Variants in FGF13 observed in about 807,000 individuals in gnomAD.
FGF13 encodes fibroblast growth factor homologous factor 2.
Under a neutral mutation model 19.5 loss-of-function variants are expected in FGF13, and 2 were observed. That is an observed-to-expected ratio of 0.10 (90% CI 0.04 to 0.32). The LOEUF (loss-of-function observed/expected upper bound fraction) is 0.32. FGF13 is among the 10% of genes least tolerant of loss of function. The probability of loss-of-function intolerance (pLI) is 1.00; values close to 1 mark genes in which losing one functional copy is unlikely to be tolerated. For synonymous variants in FGF13, 72 were observed against 76.9 expected, an observed-to-expected ratio of 0.94 and a Z score of 0.33; for missense variants, 113 against 192.7, an observed-to-expected ratio of 0.59 and a Z score of 2.45.
chrX:138,617,313 C>A lies in FGF13; in HGVS notation c.*15537G>T, dbSNP rs941127703. On this transcript the variant is annotated 3_prime_UTR_variant, in exon 5 of 5. Coordinates refer to ENST00000315930, the MANE Select transcript of FGF13 (RefSeq NM_004114.5). ...AGATGAAGTGCATTGATGTCTGTAA[C>A]TTATTTTGAAATGCAAAAAAATAAT... 6.3e-5 allele frequency: 7 copies of A among 111,192 alleles called. No individual in the cohort carries two copies. The East Asian group carries it at 2.0e-3, about 31-fold the overall frequency. 9.2% of individuals were successfully genotyped at this position (111,192 alleles called of 1,213,427 possible).
intron 3 of FGF13, among the ~76,000 whole-genome samples, chrX:138,678,289 C>G (rs961910281): frequency 9.0e-6 from 1 of 110,518 alleles, no homozygotes; most frequent in Admixed American, 9.6e-5. Flanking sequence ...AATGGGTGCA[C>G]CATACCAGCA....
At chrX:139,119,472 G>A (rs1333560615) in intron 1 of FGF13, among the ~76,000 whole-genome samples, 1 of 111,836 alleles carries the variant, frequency 8.9e-6, no homozygotes, top group Non-Finnish European at 1.9e-5. Context: ...CAGAGAAAGA[G>A]GCACAGCGAA....
intron 1 of FGF13, among the ~76,000 whole-genome samples, chrX:138,998,385 G>A (rs1251706374): frequency 2.7e-5 from 3 of 110,820 alleles, no homozygotes; most frequent in African/African-American, 9.9e-5. Flanking sequence ...GACACAGAAG[G>A]CAAACTGGAT....
intron 1 of FGF13, among the ~76,000 whole-genome samples, chrX:139,178,994 T>C (rs2084216597): frequency 8.9e-6 from 1 of 112,238 alleles, no homozygotes; most frequent in African/African-American, 3.2e-5. Context: ...AAAATCTACA[T>C]AATGGACTCT....
At chrX:138,732,181 G>A (rs1385899319) in intron 1 of FGF13, among the ~76,000 whole-genome samples, 1 of 111,834 alleles carries the variant, frequency 8.9e-6, no homozygotes, top group Non-Finnish European at 1.9e-5. Flanking sequence ...TTCTTAGGCA[G>A]TAGCTCAAAA....
At chrX:138,829,730 T>G (rs1008037851) in intron 3 of FGF13, among the ~76,000 whole-genome samples, 1 of 111,552 alleles carries the variant, frequency 9.0e-6, no homozygotes, top group South Asian at 3.9e-4. Context: ...ATTCTATTTT[T>G]TTTTTAGACA....
intron 1 of FGF13, among the ~76,000 whole-genome samples, chrX:139,076,625 G>GA (rs1257760838): frequency 9.0e-6 from 1 of 111,412 alleles, no homozygotes; most frequent in Non-Finnish European, 1.9e-5. Flanking sequence ...ATAGAAATCT[G>GA]AAAAAATGCA....
chrX:138,929,155 G>T (rs897427989), intron 1 of FGF13, among the ~76,000 whole-genome samples: 1 of 111,469 alleles, frequency 9.0e-6, no homozygotes, highest in Admixed American at 9.6e-5. Context: ...GTCAATCTCT[G>T]TTGGATCCTC....
At chrX:139,106,413 T>C (rs1211492866) in intron 1 of FGF13, among the ~76,000 whole-genome samples, 4 of 112,599 alleles carry the variant, frequency 3.6e-5, no homozygotes, top group African/African-American at 1.3e-4. Context: ...CATTCCAATG[T>C]CATGAATTTC....
At chrX:139,158,320 G>A (rs2083997583) in intron 1 of FGF13, among the ~76,000 whole-genome samples, 1 of 110,728 alleles carries the variant, frequency 9.0e-6, no homozygotes, top group African/African-American at 3.3e-5. Context: ...TAGCTCAGCA[G>A]AGCCCACCCC....
chrX:139,037,940 G>A (rs1232410397), intron 1 of FGF13, among the ~76,000 whole-genome samples: 1 of 111,399 alleles, frequency 9.0e-6, no homozygotes, highest in Non-Finnish European at 1.9e-5. Context: ...TCCACATTCT[G>A]TGTGCCCCAG....
chrX:139,070,715 C>T (rs62602251), intron 1 of FGF13, among the ~76,000 whole-genome samples: 15,224 of 111,487 alleles, frequency 0.14, 849 homozygotes, highest in African/African-American at 0.21. Context: ...ATAGGAAAGA[C>T]GTGAAACCAA....
intron 3 of FGF13, among the ~76,000 whole-genome samples, chrX:138,836,461 C>T (rs1340320422): frequency 8.9e-6 from 1 of 111,809 alleles, no homozygotes; most frequent in Non-Finnish European, 1.9e-5. Context: ...AGAGTCTTTC[C>T]TCCACTTGGT....
chrX:138,980,313 T>A (rs2091958177), intron 1 of FGF13, among the ~76,000 whole-genome samples: 1 of 111,309 alleles, frequency 9.0e-6, no homozygotes, highest in Non-Finnish European at 1.9e-5. Flanking sequence ...TGATTTTCAG[T>A]CTTCAGAATT....
chrX:138,953,762 C>T (rs888668851), intron 1 of FGF13, among the ~76,000 whole-genome samples: 2 of 110,644 alleles, frequency 1.8e-5, no homozygotes, highest in African/African-American at 6.6e-5. Context: ...CACTGATACA[C>T]ATAACACTAT....
At chrX:138,966,255 G>A (rs752373075) in intron 1 of FGF13, among the ~76,000 whole-genome samples, 1 of 111,896 alleles carries the variant, frequency 8.9e-6, no homozygotes, top group Admixed American at 9.4e-5. Context: ...ACCCCAGAAT[G>A]GTAGATCCAC....
rs773011671 is a variant in FGF13 at position 138,986,812 on chromosome X, G to A, written c.-112-122162C>T. Among the ~76,000 whole-genome samples the A allele has an allele frequency of 6.6e-3, 733 of 111,826 alleles. 2 individuals carry two copies. Among genetic ancestry groups the A allele is most frequent in the Non-Finnish European group, 0.011 (591 of 53,159 alleles). On this transcript the variant is annotated intron_variant, in intron 1 of 2. Coordinates refer to the FGF13 transcript ENST00000421460. ...TTTTAAAAATAGAAATGTGTTATTAGATTATCTTGTCACATGATATTATAA... is the reference window on the plus strand; with the variant it reads ...TTTTAAAAATAGAAATGTGTTATTAAATTATCTTGTCACATGATATTATAA...
chrX:139,128,862 T>C (rs776261285), intron 1 of FGF13, among the ~76,000 whole-genome samples: 2 of 111,271 alleles, frequency 1.8e-5, no homozygotes, highest in South Asian at 7.6e-4. Flanking sequence ...TCTATAAATA[T>C]TAGTTATAAT....
At chrX:138,747,979 T>G (rs1182656489) in intron 3 of FGF13, among the ~76,000 whole-genome samples, 1 of 110,747 alleles carries the variant, frequency 9.0e-6, no homozygotes, top group Non-Finnish European at 1.9e-5. Flanking sequence ...TCAGGAATAG[T>G]AACCTGAAGG....
Sources: gnomAD v4.1 joint callset for allele counts (sites outside exome capture counted in the v4.1 genomes callset) on GRCh38, gnomAD v4.1.1 for gene constraint, MANE v1.5 for transcripts, NCBI Gene and HGNC (gene_info 2026-07-23, HGNC 2026-07-21) for gene names.